The following MED13L variants were observed in gnomAD, a reference collection of about 807,000 sequenced individuals.
The protein encoded by MED13L is mediator complex subunit 13L, also known as mediator of RNA polymerase II transcription subunit 13-like.
In MED13L, 7 loss-of-function variants were observed where a neutral mutation model predicts 220.9. That is an observed-to-expected ratio of 0.03 (90% CI 0.02 to 0.06). The LOEUF is 0.06. Among genes scored for constraint, MED13L ranks in the 10% least tolerant of loss-of-function variants. The pLI is 1.00. For synonymous variants in MED13L, 1,011 were observed against 1,015.2 expected, an observed-to-expected ratio of 1.00 and a Z score of 0.08; for missense variants, 1,965 against 2,760.5, an observed-to-expected ratio of 0.71 and a Z score of 6.46.
rs369211382 is a variant in MED13L at position 116,008,822 on chromosome 12, C to T, written c.1591G>A (p.Val531Met). 14 of 1,613,844 alleles carry T rather than the reference C, an allele frequency of 8.7e-6. No homozygotes were observed. The highest frequency in any genetic ancestry group is 6.7e-5 in the East Asian group (3 of 44,836). Residue 531 changes from valine (V) to methionine (M), a missense_variant, in exon 10 of 31, where the codon GTG (valine) becomes ATG (methionine). Coordinates refer to ENST00000281928, the MANE Select transcript of MED13L (RefSeq NM_015335.5). ...SSRKYDKQMAVPSRNTSKQMN... is the reference protein window; with the variant it reads ...SSRKYDKQMAMPSRNTSKQMN... ...TGCTTGCTTGTATTTCTGGAAGGCA[C>T]GGCCATTTGCTTATCATATTTCCTA...
chr12:116,201,266 C>G (rs1377320741), intron 2 of MED13L, among the ~76,000 whole-genome samples: 1 of 152,006 alleles, frequency 6.6e-6, no homozygotes, highest in East Asian at 1.9e-4. Flanking sequence ...AAGTCTTCTA[C>G]AAGATTAGAT....
intron 2 of MED13L, among the ~76,000 whole-genome samples, chr12:116,226,599 C>A (rs377014509): frequency 6.6e-6 from 1 of 152,126 alleles, no homozygotes; most frequent in African/African-American, 2.4e-5. Flanking sequence ...CCAGGAGTGG[C>A]GGCTCACGCC....
intron 2 of MED13L, among the ~76,000 whole-genome samples, chr12:116,135,820 C>G (rs1209053679): frequency 6.6e-6 from 1 of 152,004 alleles, no homozygotes; most frequent in Non-Finnish European, 1.5e-5. Flanking sequence ...TTTTGTGATC[C>G]TTGATGAGTT....
chr12:116,266,583 C>T (rs1159597504), intron 1 of MED13L, among the ~76,000 whole-genome samples: 1 of 152,180 alleles, frequency 6.6e-6, no homozygotes, highest in African/African-American at 2.4e-5. Context: ...GAACACTAAG[C>T]ATAAGTTTAT....
intron 4 of MED13L, among the ~76,000 whole-genome samples, chr12:116,080,789 C>G (rs1871186147): frequency 6.6e-6 from 1 of 152,162 alleles, no homozygotes; most frequent in Admixed American, 6.6e-5. Context: ...TAACAAGCAA[C>G]TGCGGCTATT....
At position 115,991,609 on chromosome 12, in the gene MED13L, G is replaced by C. The variant is rs1878063420; in HGVS notation, c.3345C>G (p.Leu1115=). 6.2e-7 allele frequency: 1 copy of C among 1,614,038 alleles called. No homozygotes were observed. Among genetic ancestry groups the C allele is most frequent in the African/African-American group, 1.3e-5 (1 of 74,910 alleles). Reference sequence around the variant, plus strand: ...TAAAGATATTCATCACGGAATCGGAGAGAATCAGGGTAACATAGAGGCTGT... The same window carrying C: ...TAAAGATATTCATCACGGAATCGGACAGAATCAGGGTAACATAGAGGCTGT... ...EAHSLYVTLI[L]SDSVMNIFKD... is the part of the protein sequence containing the mutation. The change falls in exon 17 of 31, where the codon CTC becomes CTG. Residue 1115 remains leucine, a synonymous_variant. Transcript: ENST00000281928. The surrounding 1 kb of genome is among the most constrained non-coding windows in gnomAD (Gnocchi z 7.7).
At chr12:116,124,142 G>GAGAGAGAGAGAGACAGAGAC (rs1593071461) in intron 2 of MED13L, among the ~76,000 whole-genome samples, 1 of 115,652 alleles carries the variant, frequency 8.6e-6, no homozygotes, top group African/African-American at 3.0e-5. Flanking sequence ...GAGAGAGAGA[G>GAGAGAGAGAGAGACAGAGAC]AGAGAGAGAC....
chr12:116,140,919 T>G lies in MED13L; in HGVS notation c.311-29407A>C, dbSNP rs565403986. ...CTCATCTGCTTTGTTAGACTATAAA[T>G]TCCTTGTCCAAAGGGGCAGCTATGT... On this transcript the variant is annotated intron_variant, in intron 2 of 30. Transcript: ENST00000281928. Among the ~76,000 whole-genome samples, 10 of 152,346 alleles carry G rather than the reference T, an allele frequency of 6.6e-5. No homozygotes were observed. The South Asian group carries it at 2.1e-3, about 32-fold the overall frequency.
intron 1 of MED13L, among the ~76,000 whole-genome samples, chr12:116,274,688 A>G (rs1873668421): frequency 6.6e-6 from 1 of 151,988 alleles, no homozygotes. Flanking sequence ...TTTCTTCAAT[A>G]GCACCTTATC....
chr12:116,128,087 C>T (rs552549576), intron 2 of MED13L, among the ~76,000 whole-genome samples: 2 of 152,312 alleles, frequency 1.3e-5, no homozygotes, highest in East Asian at 1.9e-4. Context: ...CAGTCAGTCA[C>T]TTTCTCATCT....
At chr12:116,241,595 CAGTACA>C (rs768156357) in intron 1 of MED13L, among the ~76,000 whole-genome samples, 127 of 152,276 alleles carry the variant, frequency 8.3e-4, no homozygotes, top group Admixed American at 1.3e-3. Flanking sequence ...AACTTCCTAT[CAGTACA>C]TCTATGCTCT....
chr12:116,232,510 A>G (rs1235774307), intron 2 of MED13L, among the ~76,000 whole-genome samples: 1 of 152,220 alleles, frequency 6.6e-6, no homozygotes, highest in African/African-American at 2.4e-5. Context: ...ATCATTAAAA[A>G]TTTTCACAAA....
chr12:115,988,937 C>T (rs1314693723), intron 17 of MED13L, among the ~76,000 whole-genome samples: 1 of 152,158 alleles, frequency 6.6e-6, no homozygotes, highest in African/African-American at 2.4e-5. Flanking sequence ...TCAGTAGAAA[C>T]TGATTAAGGG....
At position 115,996,513 on chromosome 12, in the gene MED13L, T is replaced by G; in HGVS notation, c.2959A>C (p.Met987Leu). 6.2e-7 allele frequency: 1 copy of G among 1,614,228 alleles called. No homozygotes were observed. The highest frequency in any genetic ancestry group is 8.5e-7 in the Non-Finnish European group (1 of 1,180,034). ...CTAATGAAAGTGGCTGCAGGGGGCA[T>G]GGGCAGTTGTTCAATTTTAGGAGGA... ...AIPPKIEQLP[M>L]PPAATFIRDG... The change falls in exon 16 of 31, where the codon ATG becomes CTG. Residue 987 changes from methionine to leucine, a missense_variant. Met to Leu is a conservative substitution (Grantham distance 15). Transcript: ENST00000281928.
At chr12:116,164,603 A>T (rs1180964588) in intron 2 of MED13L, among the ~76,000 whole-genome samples, 2 of 152,192 alleles carry the variant, frequency 1.3e-5, no homozygotes, top group African/African-American at 2.4e-5. Context: ...ACAGTTGCCA[A>T]GGAAGAGGAC....
chr12:116,127,929 A>G (rs1215608650), intron 2 of MED13L, among the ~76,000 whole-genome samples: 2 of 152,144 alleles, frequency 1.3e-5, no homozygotes, highest in Non-Finnish European at 2.9e-5. Context: ...ACCTCTTCCA[A>G]CACCCTCTGT....
At chr12:115,992,203 T>C (rs981986998) in intron 16 of MED13L, among the ~76,000 whole-genome samples, 2 of 152,214 alleles carry the variant, frequency 1.3e-5, no homozygotes, top group African/African-American at 2.4e-5. Flanking sequence ...TTCTACTTAT[T>C]CCACATATAA....
intron 29 of MED13L, among the ~76,000 whole-genome samples, chr12:115,963,929 TA>T (rs960408871): frequency 2.6e-4 from 39 of 150,662 alleles, no homozygotes; most frequent in African/African-American, 8.5e-4. Flanking sequence ...TATAAAACAT[TA>T]AAAAAAAATA....
chr12:116,131,225 A>C (rs1876039911), intron 2 of MED13L, among the ~76,000 whole-genome samples: 1 of 152,212 alleles, frequency 6.6e-6, no homozygotes, highest in South Asian at 2.1e-4. Flanking sequence ...GAAAGGAAGG[A>C]TTATAAGGAA....
Sources: gnomAD v4.1 joint callset for allele counts (sites outside exome capture counted in the v4.1 genomes callset) on GRCh38, gnomAD v4.1.1 for gene constraint, Gnocchi (gnomAD v3.1) non-coding constraint, MANE v1.5 for transcripts, NCBI Gene and HGNC (gene_info 2026-07-23, HGNC 2026-07-21) for gene names.